The following AMN1 variants were observed in gnomAD, a reference collection of about 807,000 sequenced individuals.
The protein encoded by AMN1 is protein AMN1 homolog.
A neutral mutation model predicts 33.0 loss-of-function variants in AMN1; 20 were observed. The ratio of observed to expected loss-of-function variants is 0.61; its 90% CI spans 0.43 to 0.88. The LOEUF (loss-of-function observed/expected upper bound fraction) is 0.88, where lower values mean the gene tolerates loss of function less well. Among genes scored for constraint, AMN1 ranks in the 40% least tolerant of loss-of-function variants. The pLI is 0.00. For synonymous variants in AMN1, 114 were observed against 111.9 expected, an observed-to-expected ratio of 1.02 and a Z score of -0.12; for missense variants, 246 against 307.4, an observed-to-expected ratio of 0.80 and a Z score of 1.49.
chr12:31,671,528 C>T lies in AMN1; in HGVS notation c.*776G>A, dbSNP rs1307947133. 2.0e-5 allele frequency: 3 copies of T among 152,092 alleles called. No homozygotes were observed. Among genetic ancestry groups the T allele is most frequent in the Non-Finnish European group, 4.4e-5 (3 of 68,004 alleles). The allele number at this position is 152,092 out of a possible 1,614,324, so 9.4% of individuals were successfully genotyped here. A position where few individuals can be genotyped will look rare whatever the true frequency, so the allele number is the denominator to read the frequency against. Reference sequence around the variant, plus strand: ...AAAGTTTTCACTTGAAAACTAAGACCTTTGCTGTTTATTTCACAATGTGAA... The same window carrying T: ...AAAGTTTTCACTTGAAAACTAAGACTTTTGCTGTTTATTTCACAATGTGAA... On this transcript the variant is annotated 3_prime_UTR_variant, in exon 7 of 7. Coordinates refer to ENST00000281471, the MANE Select transcript of AMN1 (RefSeq NM_001113402.2).
chr12:31,705,578 CT>C (rs1398468159), intron 2 of AMN1, among the ~76,000 whole-genome samples: 1 of 152,044 alleles, frequency 6.6e-6, no homozygotes, highest in Non-Finnish European at 1.5e-5. Flanking sequence ...TGATTACAGG[CT>C]TTAGGCAGAA....
chr12:31,705,956 T>G (rs1939217730), intron 2 of AMN1, among the ~76,000 whole-genome samples: 1 of 152,094 alleles, frequency 6.6e-6, no homozygotes, highest in South Asian at 2.1e-4. Context: ...GGCAGTTGGG[T>G]CCTCTCTTGC....
In AMN1 at chr12:31,701,625, A is replaced by G. The variant is rs1939005629; in HGVS notation, c.316+238T>C. 2.0e-5 allele frequency among the ~76,000 whole-genome samples: 3 copies of G among 152,146 alleles called. No homozygotes were observed. In the South Asian group the frequency reaches 6.2e-4, roughly 32 times the overall value. On this transcript the variant is annotated intron_variant, in intron 3 of 6. Transcript: ENST00000281471. ...CTAGCCTGGCCCATGTTTATTTTAC[A>G]TATGTTTAAAATACAAGGTAGTGAC... is the stretch of plus-strand genomic sequence containing the variant.
At chr12:31,701,442 G>A (rs1354836296) in intron 3 of AMN1, among the ~76,000 whole-genome samples, 2 of 152,058 alleles carry the variant, frequency 1.3e-5, no homozygotes, top group African/African-American at 4.8e-5. Flanking sequence ...ACTACAGGGT[G>A]CACCACCATG....
At chr12:31,689,790 A>G (rs1938423833) in intron 5 of AMN1, among the ~76,000 whole-genome samples, 1 of 152,206 alleles carries the variant, frequency 6.6e-6, no homozygotes. Flanking sequence ...TTTTTGGGGA[A>G]CAGGTGGTAT....
chr12:31,709,173 T>TA (rs371429545), intron 2 of AMN1, 120 bp downstream of exon 2: 139,120 of 837,368 alleles, frequency 0.17, 259 homozygotes, highest in East Asian at 0.22. Context: ...TGACCCTGTA[T>TA]AAAAAAAAAA....
In AMN1 at chr12:31,706,788, CG is replaced by C. The variant is rs1939261009; in HGVS notation, c.171+2504del. ...ACCCCCTATGTCAGCTTAGTAGGGC[CG>C]AAACAGACTTGGGTCTGGCCTCCTT... On this transcript the variant is annotated intron_variant, in intron 2 of 6. Transcript: ENST00000281471. Among the ~76,000 whole-genome samples, 3 of 152,194 alleles carry C rather than the reference CG, an allele frequency of 2.0e-5. No homozygotes were observed. In the South Asian group the frequency reaches 6.2e-4, roughly 32 times the overall value.
intron 2 of AMN1, among the ~76,000 whole-genome samples, chr12:31,702,578 A>G (rs1261371118): frequency 4.6e-5 from 7 of 151,970 alleles, no homozygotes; most frequent in African/African-American, 1.7e-4. Flanking sequence ...TTTTTTTTCC[A>G]AAATAGAAAT....
intron 6 of AMN1, among the ~76,000 whole-genome samples, chr12:31,678,693 C>T (rs1303035950): frequency 2.6e-5 from 4 of 152,130 alleles, no homozygotes; most frequent in African/African-American, 7.2e-5. Context: ...CCACCGTGCC[C>T]GGCCAAAGAA....
chr12:31,704,326 T>C lies in AMN1; in HGVS notation c.172-2319A>G, dbSNP rs541420918. On this transcript the variant is annotated intron_variant, in intron 2 of 6. Coordinates refer to ENST00000281471, the MANE Select transcript of AMN1 (RefSeq NM_001113402.2). ...AGGTTAAATATCCTTTGATATGTTA[T>C]TGGAGATTTGTATTTTTTCCTCTGA... Among the ~76,000 whole-genome samples the C allele has an allele frequency of 1.7e-4, 26 of 152,302 alleles. 1 individual carries two copies. The East Asian group carries it at 4.6e-3, about 27-fold the overall frequency.
rs1266519301 is a variant in AMN1 at position 31,683,253 on chromosome 12, C to G, written c.703+5754G>C. ...GCAGGACTACAGGCGTGAGCTACCA[C>G]ACCTGGCCAGAAAATGATATGCTAT... On this transcript the variant is annotated intron_variant, in intron 6 of 6. Transcript: ENST00000281471. The surrounding 1 kb of genome is among the most constrained non-coding windows in gnomAD (Gnocchi z 4.1). Among the ~76,000 whole-genome samples the G allele has an allele frequency of 6.6e-6, 1 of 152,122 alleles. No homozygotes were observed. The highest frequency in any genetic ancestry group is 1.5e-5 in the Non-Finnish European group (1 of 68,014).
intron 6 of AMN1, among the ~76,000 whole-genome samples, chr12:31,678,436 G>A (rs1484711885): frequency 4.7e-5 from 7 of 149,778 alleles, no homozygotes; most frequent in South Asian, 2.1e-4. Context: ...TCACCCTGTC[G>A]CCTAGGCTGG....
In AMN1 at chr12:31,699,681, A is replaced by G. The variant is rs77709504; in HGVS notation, c.317-1724T>C. Among the ~76,000 whole-genome samples the G allele has an allele frequency of 8.3e-3, 1,268 of 152,308 alleles. 17 individuals carry two copies. Among genetic ancestry groups the G allele is most frequent in the African/African-American group, 0.029 (1,196 of 41,558 alleles). ...AGTGTTTCCCTGAGTTTTGTGAGCC[A>G]TTCTGACAAATTATTGAATGGAGGA... On this transcript the variant is annotated intron_variant, in intron 3 of 6. Coordinates refer to ENST00000281471, the MANE Select transcript of AMN1 (RefSeq NM_001113402.2).
chr12:31,717,955 T>A (rs1428811130), intron 1 of AMN1, among the ~76,000 whole-genome samples: 1 of 152,100 alleles, frequency 6.6e-6, no homozygotes, highest in Non-Finnish European at 1.5e-5. Flanking sequence ...TGAATTTGAA[T>A]GTTGGCCTGT....
Position 31,687,191 on chromosome 12 carries a change from G to T in AMN1, c.703+1816C>A, listed in dbSNP as rs1203666480. Among the ~76,000 whole-genome samples, 2 of 151,850 alleles carry T rather than the reference G, an allele frequency of 1.3e-5. No homozygotes were observed. The highest frequency in any genetic ancestry group is 2.9e-5 in the Non-Finnish European group (2 of 67,990). ...GCACCCGGCCACCAGTGTCCTTACT[G>T]GCTCTAGTTTCTTAAGAAATGTCTT... On this transcript the variant is annotated intron_variant, in intron 6 of 6. Transcript: ENST00000281471. This position sits in a 1 kb window ranked among gnomAD's most constrained non-coding sequence, Gnocchi z 4.1.
rs1232650985 is a variant in AMN1 at position 31,695,610 on chromosome 12, C to T, written c.591+1751G>A. Among the ~76,000 whole-genome samples, 3 of 151,644 alleles carry T rather than the reference C, an allele frequency of 2.0e-5. No individual in the cohort carries two copies. The East Asian group carries it at 5.8e-4, about 29-fold the overall frequency. ...AAGTGATTCTCCTATCTCAGGCTCC[C>T]AAGTAGCTGGGATTACAGGTACCTG... On this transcript the variant is annotated intron_variant, in intron 5 of 6. Coordinates refer to ENST00000281471, the MANE Select transcript of AMN1 (RefSeq NM_001113402.2).
chr12:31,678,117 G>C (rs1363516947), intron 6 of AMN1, among the ~76,000 whole-genome samples: 1 of 152,148 alleles, frequency 6.6e-6, no homozygotes, highest in Non-Finnish European at 1.5e-5. Flanking sequence ...TTTTCCCTGG[G>C]TGTTTGGCTC....
intron 1 of AMN1, among the ~76,000 whole-genome samples, chr12:31,724,650 A>G (rs1468275872): frequency 1.3e-5 from 2 of 152,162 alleles, no homozygotes; most frequent in African/African-American, 4.8e-5. Context: ...GTATATTTCA[A>G]TATGTTACCT....
intron 1 of AMN1, among the ~76,000 whole-genome samples, chr12:31,724,752 C>T (rs1940000488): frequency 6.6e-6 from 1 of 152,218 alleles, no homozygotes; most frequent in South Asian, 2.1e-4. Flanking sequence ...TCTCTGAGCT[C>T]AGCAGTGCAG....
Sources: allele counts gnomAD v4.1 joint callset (sites outside exome capture counted in the v4.1 genomes callset), GRCh38; gene constraint gnomAD v4.1.1; non-coding constraint Gnocchi (gnomAD v3.1); transcripts MANE v1.5; gene names NCBI Gene and HGNC (gene_info 2026-07-23, HGNC 2026-07-21).